Variants in LHFPL3 observed in about 807,000 individuals in gnomAD.
LHFPL3 encodes LHFPL tetraspan subfamily member 3.
LHFPL3 carries 5 observed loss-of-function variants against 19.3 expected under a neutral mutation model. The ratio of observed to expected loss-of-function variants is 0.26; its 90% CI spans 0.14 to 0.54. LHFPL3 has a LOEUF of 0.54. LHFPL3 is among the 20% of genes least tolerant of loss of function. The probability of loss-of-function intolerance (pLI) is 0.94; values close to 1 mark genes in which losing one functional copy is unlikely to be tolerated. For missense variants in LHFPL3, 249 were observed against 307.4 expected (o/e 0.81, Z 1.42); for synonymous variants, 133 against 126.2 (o/e 1.05, Z -0.36).
chr7:104,402,899 A>T (rs1446095365), intron 1 of LHFPL3, among the ~76,000 whole-genome samples: 1 of 152,216 alleles, frequency 6.6e-6, no homozygotes, highest in Non-Finnish European at 1.5e-5. Flanking sequence ...ATTCCAAATG[A>T]TATATAATGA....
intron 1 of LHFPL3, among the ~76,000 whole-genome samples, chr7:104,610,251 G>A (rs755082589): frequency 3.9e-5 from 6 of 151,992 alleles, no homozygotes; most frequent in Admixed American, 1.3e-4. Context: ...GATTGAATTC[G>A]TTTTTTTAAT....
intron 1 of LHFPL3, among the ~76,000 whole-genome samples, chr7:104,489,833 G>A (rs1200979154): frequency 6.6e-6 from 1 of 152,150 alleles, no homozygotes; most frequent in East Asian, 1.9e-4. Flanking sequence ...AGGAAGTTTT[G>A]TGGAGGATCA....
chr7:104,696,629 AAAG>A (rs746137675), intron 1 of LHFPL3, among the ~76,000 whole-genome samples: 12 of 152,162 alleles, frequency 7.9e-5, no homozygotes, highest in Non-Finnish European at 1.5e-4. Context: ...GACCATTACT[AAAG>A]AAGAGAACCA....
chr7:104,595,181 C>A (rs923971717), intron 1 of LHFPL3, among the ~76,000 whole-genome samples: 1 of 152,214 alleles, frequency 6.6e-6, no homozygotes, highest in African/African-American at 2.4e-5. Flanking sequence ...GTGGTTATAT[C>A]TACCTTTGGT....
chr7:104,494,249 G>A (rs1793413791), intron 1 of LHFPL3, among the ~76,000 whole-genome samples: 1 of 152,106 alleles, frequency 6.6e-6, no homozygotes, highest in African/African-American at 2.4e-5. Flanking sequence ...GCGTACTTCA[G>A]TATCAAATGC....
chr7:104,365,063 G>A (rs970945348), intron 1 of LHFPL3, among the ~76,000 whole-genome samples: 2 of 152,144 alleles, frequency 1.3e-5, no homozygotes, highest in African/African-American at 4.8e-5. Flanking sequence ...ACTTTGGGAG[G>A]CCAAAGCAGG....
At chr7:104,522,115 T>C (rs977356217) in intron 1 of LHFPL3, among the ~76,000 whole-genome samples, 1 of 151,984 alleles carries the variant, frequency 6.6e-6, no homozygotes, top group Non-Finnish European at 1.5e-5. Flanking sequence ...TTATTCACAA[T>C]AGCAAAGACT....
chr7:104,655,243 G>A (rs1792101101), intron 1 of LHFPL3, among the ~76,000 whole-genome samples: 1 of 152,144 alleles, frequency 6.6e-6, no homozygotes, highest in Non-Finnish European at 1.5e-5. Context: ...CCTTGGCCAA[G>A]GGTTCTACAT....
chr7:104,778,457 C>CT (rs1641485202), intron 2 of LHFPL3, among the ~76,000 whole-genome samples: 1 of 152,204 alleles, frequency 6.6e-6, no homozygotes, highest in Non-Finnish European at 1.5e-5. Context: ...CAAGAGGCGT[C>CT]CTGAGCTCCC....
intron 2 of LHFPL3, among the ~76,000 whole-genome samples, chr7:104,776,741 C>T (rs1665765121): frequency 1.3e-5 from 2 of 152,186 alleles, no homozygotes; most frequent in Admixed American, 1.3e-4. Flanking sequence ...AACAGTTCCC[C>T]TGTATTTGGT....
intron 1 of LHFPL3, among the ~76,000 whole-genome samples, chr7:104,389,716 T>A (rs1791023440): frequency 6.6e-6 from 1 of 152,160 alleles, no homozygotes; most frequent in Non-Finnish European, 1.5e-5. Context: ...TACACATCTA[T>A]AGTTAATTGA....
intron 2 of LHFPL3, among the ~76,000 whole-genome samples, chr7:104,816,399 A>G (rs76353799): frequency 0.015 from 2,351 of 152,306 alleles, 25 homozygotes; most frequent in Non-Finnish European, 0.024. Context: ...GGCTCCTGAG[A>G]TTGCTTCATA....
chr7:104,906,135 AT>A, intron 2 of LHFPL3, 51 bp from the exon 3 acceptor site: 7 of 1,565,760 alleles, frequency 4.5e-6, no homozygotes, highest in Non-Finnish European at 6.1e-6. Flanking sequence ...AAAATGATGT[AT>A]TTTTTCTCTC....
chr7:104,528,945 T>C (rs1331599103), intron 1 of LHFPL3, among the ~76,000 whole-genome samples: 1 of 152,168 alleles, frequency 6.6e-6, no homozygotes, highest in African/African-American at 2.4e-5. Context: ...AGACTAGGAC[T>C]GGGTCACTTT....
chr7:104,413,336 C>T (rs546801410), intron 1 of LHFPL3, among the ~76,000 whole-genome samples: 1 of 152,276 alleles, frequency 6.6e-6, no homozygotes, highest in African/African-American at 2.4e-5. Context: ...TCCTATTCCC[C>T]CAGGGAGTCC....
intron 1 of LHFPL3, among the ~76,000 whole-genome samples, chr7:104,414,472 T>C (rs1791586188): frequency 6.6e-6 from 1 of 152,220 alleles, no homozygotes; most frequent in Non-Finnish European, 1.5e-5. Flanking sequence ...CGCCCAGATC[T>C]GAGGATGGGG....
intron 2 of LHFPL3, chr7:104,804,179 T>C (rs1790309295): frequency 6.6e-6 from 1 of 152,268 alleles, no homozygotes; most frequent in South Asian, 2.1e-4. Context: ...TTGGCTCTTG[T>C]TGGGTCACAT....
chr7:104,450,663 G>T (rs1300069174), intron 1 of LHFPL3, among the ~76,000 whole-genome samples: 1 of 151,930 alleles, frequency 6.6e-6, no homozygotes, highest in Admixed American at 6.6e-5. Flanking sequence ...CATGGCACGT[G>T]TATACCTATG....
At chr7:104,631,592 C>A (rs949526083) in intron 1 of LHFPL3, among the ~76,000 whole-genome samples, 1 of 152,246 alleles carries the variant, frequency 6.6e-6, no homozygotes, top group African/African-American at 2.4e-5. Flanking sequence ...CATGTGATTT[C>A]TAAAAGATAA....
Sources: allele counts gnomAD v4.1 joint callset (sites outside exome capture counted in the v4.1 genomes callset), GRCh38; gene constraint gnomAD v4.1.1; transcripts MANE v1.5; gene names NCBI Gene and HGNC (gene_info 2026-07-23, HGNC 2026-07-21).